IL18R1: variants seen among roughly 807,000 people sequenced by gnomAD.
IL18R1 encodes the protein interleukin 18 receptor 1, also known as interleukin-18 receptor 1.
In IL18R1, 40 loss-of-function variants were observed where a neutral mutation model predicts 48.5. The ratio of observed to expected loss-of-function variants is 0.82; its 90% CI spans 0.64 to 1.07. The LOEUF (loss-of-function observed/expected upper bound fraction) is 1.07. Ranked by LOEUF, IL18R1 falls within the 50% of genes least tolerant of loss-of-function variation. The pLI is 0.00. For missense variants in IL18R1, 596 were observed against 633.7 expected, an observed-to-expected ratio of 0.94 and a Z score of 0.64; for synonymous variants, 232 against 225.9, an observed-to-expected ratio of 1.03 and a Z score of -0.24.
At chr2:102,393,939 C>G (rs1284923321) in intron 9 of IL18R1, among the ~76,000 whole-genome samples, 1 of 151,916 alleles carries the variant, frequency 6.6e-6, no homozygotes, top group East Asian at 1.9e-4. Context: ...TAACTTTTTC[C>G]AAGTTGTTGC....
At chr2:102,392,885 C>G (rs1321556395) in intron 9 of IL18R1, among the ~76,000 whole-genome samples, 1 of 152,058 alleles carries the variant, frequency 6.6e-6, no homozygotes, top group Non-Finnish European at 1.5e-5. Flanking sequence ...ATACTTTACT[C>G]TGTCAATTCT....
chr2:102,373,935 A>G, intron 4 of IL18R1: 2 of 446,058 alleles, frequency 4.5e-6, no homozygotes, highest in South Asian at 3.2e-5. Flanking sequence ...CATCACCCCC[A>G]GATAGGACCA....
chr2:102,367,160 C>T (rs1678953744), intron 2 of IL18R1, among the ~76,000 whole-genome samples: 1 of 152,076 alleles, frequency 6.6e-6, no homozygotes, highest in African/African-American at 2.4e-5. Flanking sequence ...ATTTCCAAAG[C>T]CAGAGAATCT....
intron 2 of IL18R1, among the ~76,000 whole-genome samples, chr2:102,367,036 G>A (rs1057448644): frequency 5.3e-5 from 8 of 152,106 alleles, no homozygotes; most frequent in Non-Finnish European, 8.8e-5. Context: ...AAGTGCACCC[G>A]AGAGTCACTG....
intron 9 of IL18R1, among the ~76,000 whole-genome samples, chr2:102,391,001 C>G (rs1447299206): frequency 7.3e-5 from 11 of 150,538 alleles, no homozygotes; most frequent in Admixed American, 6.6e-4. Flanking sequence ...GGAATCATGT[C>G]TCCTAGACCT....
intron 2 of IL18R1, among the ~76,000 whole-genome samples, chr2:102,367,340 A>G (rs1678965874): frequency 2.0e-5 from 3 of 152,190 alleles, no homozygotes; most frequent in African/African-American, 7.2e-5. Flanking sequence ...GGAATGTTAG[A>G]TAGGCAGGGT....
intron 2 of IL18R1, among the ~76,000 whole-genome samples, chr2:102,364,463 C>T (rs899402247): frequency 1.4e-4 from 22 of 152,166 alleles, no homozygotes; most frequent in African/African-American, 3.9e-4. Context: ...TATATTAACT[C>T]TAAAACAGGA....
intron 1 of IL18R1, among the ~76,000 whole-genome samples, chr2:102,361,114 AT>A (rs1000343822): frequency 4.6e-5 from 7 of 152,062 alleles, no homozygotes; most frequent in Non-Finnish European, 5.9e-5. Context: ...GATATTGAAT[AT>A]TTTTTTTAAA....
At chr2:102,374,172 G>A (rs1280508516) in intron 4 of IL18R1, among the ~76,000 whole-genome samples, 2 of 152,128 alleles carry the variant, frequency 1.3e-5, no homozygotes, top group African/African-American at 2.4e-5. Flanking sequence ...CAAAACGGTT[G>A]GGGACAGCTG....
At chr2:102,362,087 T>C (rs887832275) in intron 1 of IL18R1, among the ~76,000 whole-genome samples, 3 of 152,218 alleles carry the variant, frequency 2.0e-5, no homozygotes, top group Non-Finnish European at 4.4e-5. Context: ...ATTTTAGTGA[T>C]ACAGTGAAGA....
At chr2:102,359,567 C>A (rs1235255814) in intron 1 of IL18R1, among the ~76,000 whole-genome samples, 1 of 152,104 alleles carries the variant, frequency 6.6e-6, no homozygotes, top group Non-Finnish European at 1.5e-5. Flanking sequence ...TAATATTTGC[C>A]TCATTTATAC....
intron 9 of IL18R1, among the ~76,000 whole-genome samples, chr2:102,392,290 C>T (rs1308475530): frequency 2.0e-5 from 3 of 152,246 alleles, no homozygotes; most frequent in Middle Eastern, 3.4e-3. Context: ...CTGTAACAAA[C>T]GGGGAAATCT....
intron 7 of IL18R1, 107 bp from the exon 8 acceptor site, chr2:102,386,754 A>G: frequency 8.9e-7 from 1 of 1,122,284 alleles, no homozygotes; most frequent in South Asian, 1.3e-5. Context: ...AAGGGAAGAA[A>G]TAATGCAGGC....
At chr2:102,373,934 C>G in intron 4 of IL18R1, 1 of 445,538 alleles carries the variant, frequency 2.2e-6, no homozygotes, top group East Asian at 7.0e-5. Context: ...CCATCACCCC[C>G]AGATAGGACC....
At chr2:102,359,243 AAATT>A (rs762716838) in intron 1 of IL18R1, among the ~76,000 whole-genome samples, 66 of 152,348 alleles carry the variant, frequency 4.3e-4, no homozygotes, top group Non-Finnish European at 8.7e-4. Context: ...TCAATCAAGA[AAATT>A]AATTGTTGGT....
chr2:102,365,695 CCT>C (rs1386814771), intron 2 of IL18R1, among the ~76,000 whole-genome samples: 1 of 152,182 alleles, frequency 6.6e-6, no homozygotes, highest in Non-Finnish European at 1.5e-5. Context: ...GGGTTCCACC[CCT>C]GCAGCAAACT....
rs1042322947 is a variant in IL18R1, at chr2:102,367,701, C to A, written c.59-124C>A. 1.3e-5 allele frequency: 10 copies of A among 781,852 alleles called. No individual in the cohort carries two copies. In the South Asian group the frequency reaches 2.0e-4, roughly 15 times the overall value. The allele number at this position is 781,852 out of a possible 1,614,324, so 48.4% of individuals were successfully genotyped here. On this transcript the variant is annotated intron_variant, in intron 2 of 10. Coordinates refer to ENST00000233957, the MANE Select transcript of IL18R1 (RefSeq NM_003855.5). ...TAAAGAACCCACAGGAAATTGACACCGAGATTTCTCAGGACTTTCTTGCTA... is the reference window on the plus strand; with the variant it reads ...TAAAGAACCCACAGGAAATTGACACAGAGATTTCTCAGGACTTTCTTGCTA...
chr2:102,360,983 A>C (rs760537410), intron 1 of IL18R1, among the ~76,000 whole-genome samples: 2 of 152,226 alleles, frequency 1.3e-5, no homozygotes, highest in African/African-American at 2.4e-5. Flanking sequence ...CCACATTTGC[A>C]GAATGGTGTG....
Position 102,375,422 on chromosome 2 carries a change from T to A in IL18R1, c.469-485T>A, listed in dbSNP as rs373646305. ...CTTCTGATGGAGGGTGTCAAAGGTG[T>A]GGGTGGTCTGCTAGCTACTCATTCT... is the stretch of plus-strand genomic sequence containing the variant. On this transcript the variant is annotated intron_variant, in intron 4 of 10. Transcript: ENST00000233957. Among the ~76,000 whole-genome samples the A allele has an allele frequency of 9.2e-5, 14 of 152,324 alleles. 1 individual carries two copies. The South Asian group carries it at 2.5e-3, about 27-fold the overall frequency.
Sources: allele counts gnomAD v4.1 joint callset (sites outside exome capture counted in the v4.1 genomes callset), GRCh38; gene constraint gnomAD v4.1.1; transcripts MANE v1.5; gene names NCBI Gene and HGNC (gene_info 2026-07-23, HGNC 2026-07-21).